KCNIP4: variants seen among roughly 807,000 people sequenced by gnomAD.
KCNIP4 encodes the protein potassium voltage-gated channel interacting protein 4.
KCNIP4 carries 12 observed loss-of-function variants against 34.0 expected under a neutral mutation model. The observed-to-expected ratio is 0.35, with a 90% CI of 0.23 to 0.57. KCNIP4 has a LOEUF of 0.57. KCNIP4 is among the 20% of genes least tolerant of loss of function. The probability of loss-of-function intolerance (pLI) is 0.83; values close to 1 mark genes in which losing one functional copy is unlikely to be tolerated. For missense variants in KCNIP4, 238 were observed against 311.7 expected (o/e 0.76, Z 1.78); for synonymous variants, 124 against 102.2 (o/e 1.21, Z -1.29).
At chr4:20,744,501 G>A (rs1183887359) in intron 5 of KCNIP4, among the ~76,000 whole-genome samples, 1 of 151,968 alleles carries the variant, frequency 6.6e-6, no homozygotes, top group East Asian at 1.9e-4. Context: ...ATCACTCTCA[G>A]CAAACTATCG....
At chr4:21,105,088 G>C (rs2109081625) in intron 1 of KCNIP4, among the ~76,000 whole-genome samples, 1 of 151,618 alleles carries the variant, frequency 6.6e-6, no homozygotes. Context: ...TCTCTTTTTT[G>C]GTTCCATATG....
At chr4:21,002,503 T>A (rs774509505) in intron 1 of KCNIP4, among the ~76,000 whole-genome samples, 1 of 152,218 alleles carries the variant, frequency 6.6e-6, no homozygotes, top group Non-Finnish European at 1.5e-5. Flanking sequence ...GCCTCATCTT[T>A]CTTTGCCACT....
chr4:21,214,223 T>C (rs546960382), intron 1 of KCNIP4, among the ~76,000 whole-genome samples: 201 of 152,330 alleles, frequency 1.3e-3, no homozygotes, highest in African/African-American at 4.5e-3. Context: ...AAACAATGTG[T>C]ATGTGTATTA....
intron 1 of KCNIP4, among the ~76,000 whole-genome samples, chr4:21,431,529 G>A (rs1253103346): frequency 6.6e-6 from 1 of 152,018 alleles, no homozygotes; most frequent in African/African-American, 2.4e-5. Flanking sequence ...ATGATGTTCA[G>A]ACATTTATAA....
rs538628670 is a variant in KCNIP4, at chr4:20,785,639, A to G, written c.289-26749T>C. On this transcript the variant is annotated intron_variant, in intron 3 of 8. Coordinates refer to ENST00000382152, the MANE Select transcript of KCNIP4 (RefSeq NM_025221.6). ...GGATAATACATTTTACATTTATTTA[A>G]TGTGAATTTTGGAAAAATTTGATTA... Among the ~76,000 whole-genome samples, 3 of 152,310 alleles carry G rather than the reference A, an allele frequency of 2.0e-5. No homozygotes were observed. The South Asian group carries it at 6.2e-4, about 32-fold the overall frequency.
intron 1 of KCNIP4, among the ~76,000 whole-genome samples, chr4:21,912,210 G>A (rs1728370985): frequency 6.6e-6 from 1 of 152,044 alleles, no homozygotes; most frequent in Admixed American, 6.6e-5. Context: ...TTATGATATT[G>A]TCCCTGTGTT....
intron 1 of KCNIP4, among the ~76,000 whole-genome samples, chr4:21,589,628 G>T (rs568709307): frequency 6.6e-6 from 1 of 151,876 alleles, no homozygotes; most frequent in South Asian, 2.1e-4. Context: ...CTATGTATGA[G>T]GTTTAAATAG....
rs572402011 is a variant in KCNIP4, at chr4:20,761,536, T to C, written c.289-2646A>G. ...TTAATGCTAAGCCAGTTGCTTGGGA[T>C]AGTAAGGAGAGAGTAAATACCTGGC... On this transcript the variant is annotated intron_variant, in intron 3 of 8. Transcript: ENST00000382152. Among the ~76,000 whole-genome samples, 13 of 152,266 alleles carry C rather than the reference T, an allele frequency of 8.5e-5. 1 individual carries two copies. The highest frequency in any genetic ancestry group is 2.4e-4 in the African/African-American group (10 of 41,556).
intron 1 of KCNIP4, among the ~76,000 whole-genome samples, chr4:21,801,332 C>T (rs1461889541): frequency 6.6e-6 from 1 of 152,136 alleles, no homozygotes; most frequent in African/African-American, 2.4e-5. Flanking sequence ...ATTTAAAAAT[C>T]ACTGGTCATG....
At chr4:21,101,934 G>T (rs1747983278) in intron 1 of KCNIP4, among the ~76,000 whole-genome samples, 1 of 152,086 alleles carries the variant, frequency 6.6e-6, no homozygotes, top group Non-Finnish European at 1.5e-5. Context: ...TTTCATGGGA[G>T]AAAATGTATA....
chr4:21,821,144 A>G (rs945593013), intron 1 of KCNIP4, among the ~76,000 whole-genome samples: 1 of 152,136 alleles, frequency 6.6e-6, no homozygotes, highest in Non-Finnish European at 1.5e-5. Flanking sequence ...TAATTTCTAC[A>G]TAATATATAT....
chr4:20,758,978 T>G, intron 3 of KCNIP4, 88 bp from the exon 4 acceptor site: 1 of 940,278 alleles, frequency 1.1e-6, no homozygotes, highest in South Asian at 1.4e-5. Context: ...CTGTCTACCA[T>G]GCAAAGCTGC....
At chr4:21,916,653 A>G (rs1047810058) in intron 1 of KCNIP4, among the ~76,000 whole-genome samples, 2 of 152,348 alleles carry the variant, frequency 1.3e-5, no homozygotes, top group Non-Finnish European at 2.9e-5. Context: ...CACCACTTTC[A>G]GTATTTAGCA....
chr4:21,516,575 T>C (rs1279267442), intron 1 of KCNIP4, among the ~76,000 whole-genome samples: 1 of 152,180 alleles, frequency 6.6e-6, no homozygotes, highest in African/African-American at 2.4e-5. Context: ...AGGAAAGGCT[T>C]GCATCAGTTT....
At chr4:20,778,814 T>C (rs1425933836) in intron 3 of KCNIP4, among the ~76,000 whole-genome samples, 1 of 152,146 alleles carries the variant, frequency 6.6e-6, no homozygotes, top group African/African-American at 2.4e-5. Context: ...GTTTTAGGAA[T>C]TTTATGTAAG....
chr4:21,285,390 C>T (rs1217652036), intron 1 of KCNIP4, among the ~76,000 whole-genome samples: 1 of 152,078 alleles, frequency 6.6e-6, no homozygotes, highest in African/African-American at 2.4e-5. Flanking sequence ...ATGAGTCACT[C>T]TGAATTTCTG....
At chr4:21,669,897 G>T (rs1203175784) in intron 1 of KCNIP4, among the ~76,000 whole-genome samples, 3 of 151,962 alleles carry the variant, frequency 2.0e-5, no homozygotes, top group African/African-American at 7.3e-5. Flanking sequence ...GGGAGAAGAT[G>T]GAAATTTTCA....
At chr4:21,449,707 TCCA>T (rs1560417246) in intron 1 of KCNIP4, among the ~76,000 whole-genome samples, 3 of 151,950 alleles carry the variant, frequency 2.0e-5, no homozygotes, top group Non-Finnish European at 4.4e-5. Context: ...CAATATAAAC[TCCA>T]TAAGTGCAGC....
chr4:21,470,796 T>C (rs1340481644), intron 1 of KCNIP4, among the ~76,000 whole-genome samples: 2 of 151,252 alleles, frequency 1.3e-5, no homozygotes, highest in Non-Finnish European at 2.9e-5. Context: ...AAACGCCCAA[T>C]TCAAGGGCCA....
Sources: gnomAD v4.1 joint callset for allele counts (sites outside exome capture counted in the v4.1 genomes callset) on GRCh38, gnomAD v4.1.1 for gene constraint, MANE v1.5 for transcripts, NCBI Gene and HGNC (gene_info 2026-07-23, HGNC 2026-07-21) for gene names.